Variants in CTNNA3 observed in about 807,000 individuals in gnomAD.
CTNNA3 encodes catenin alpha 3, also known as catenin alpha-3.
Under a neutral mutation model 95.7 loss-of-function variants are expected in CTNNA3, and 76 were observed. That is an observed-to-expected ratio of 0.79 (90% confidence interval 0.66 to 0.96). The LOEUF is 0.96. Ranked by LOEUF, CTNNA3 falls within the 40% of genes least tolerant of loss-of-function variation. The pLI, the probability that CTNNA3 is intolerant of heterozygous loss-of-function variation, is 0.00. For missense variants in CTNNA3, 1,191 were observed against 1,089.8 expected, an observed-to-expected ratio of 1.09 and a Z score of -1.31; for synonymous variants, 431 against 374.4, an observed-to-expected ratio of 1.15 and a Z score of -1.74.
At chr10:67,154,870 G>A (rs1302646035) in intron 7 of CTNNA3, among the ~76,000 whole-genome samples, 1 of 152,112 alleles carries the variant, frequency 6.6e-6, no homozygotes, top group Non-Finnish European at 1.5e-5. Context: ...TTTTCCCCAG[G>A]AGGATGTCTG....
In CTNNA3 at chr10:67,525,257, G is replaced by A. The variant is rs185210572; in HGVS notation, c.460-3296C>T. ...AACCTTGGACATACAAGATAAGAATGGGTAGAGGAAAACAATATCCCTAAG... is the reference window on the plus strand; with the variant it reads ...AACCTTGGACATACAAGATAAGAATAGGTAGAGGAAAACAATATCCCTAAG... On this transcript the variant is annotated intron_variant, in intron 4 of 17. Transcript: ENST00000433211. Among the ~76,000 whole-genome samples the A allele has an allele frequency of 3.6e-3, 544 of 151,724 alleles. 3 individuals are homozygous for A. The highest frequency in any genetic ancestry group is 5.2e-3 in the Non-Finnish European group (355 of 67,946).
At chr10:66,116,633 C>G (rs1055755137) in intron 13 of CTNNA3, among the ~76,000 whole-genome samples, 3 of 152,068 alleles carry the variant, frequency 2.0e-5, no homozygotes, top group Non-Finnish European at 4.4e-5. Context: ...AAAACACATA[C>G]TGTATGTATT....
chr10:67,522,051 C>T (rs1359494395), intron 4 of CTNNA3, 90 bp from the exon 5 acceptor site: 10 of 1,291,646 alleles, frequency 7.7e-6, no homozygotes, highest in African/African-American at 7.4e-5. Context: ...GATAATGAGC[C>T]TCAGTTTCTC....
chr10:66,535,945 G>A (rs1250024946), intron 10 of CTNNA3, among the ~76,000 whole-genome samples: 1 of 152,088 alleles, frequency 6.6e-6, no homozygotes, highest in Non-Finnish European at 1.5e-5. Flanking sequence ...TATGGTTTGG[G>A]TGAGCAAAAT....
chr10:66,597,729 T>C lies in CTNNA3; in HGVS notation c.1374+23963A>G, dbSNP rs974000222. On this transcript the variant is annotated intron_variant, in intron 10 of 17. Transcript: ENST00000433211. ...GAGAGTGCGGATGATATACTCCAGG[T>C]ACTGAAAGACAAAAAAATCTGTCAA... 9.3e-5 allele frequency among the ~76,000 whole-genome samples: 14 copies of C among 151,234 alleles called. No homozygotes were observed. The East Asian group carries it at 2.3e-3, about 25-fold the overall frequency.
intron 7 of CTNNA3, among the ~76,000 whole-genome samples, chr10:66,832,150 T>A (rs1478757131): frequency 6.6e-6 from 1 of 152,168 alleles, no homozygotes; most frequent in Non-Finnish European, 1.5e-5. Flanking sequence ...GACATAATAT[T>A]TCTATAAGTT....
At chr10:67,233,801 T>C (rs1439064487) in intron 5 of CTNNA3, among the ~76,000 whole-genome samples, 2 of 151,698 alleles carry the variant, frequency 1.3e-5, no homozygotes, top group Non-Finnish European at 2.9e-5. Flanking sequence ...AAGAATCAAA[T>C]AGATGCAATA....
At chr10:66,588,910 G>C (rs980842033) in intron 10 of CTNNA3, among the ~76,000 whole-genome samples, 1 of 150,246 alleles carries the variant, frequency 6.7e-6, no homozygotes, top group African/African-American at 2.5e-5. Context: ...GGAGATAAAA[G>C]AAGGTCTCTG....
intron 5 of CTNNA3, among the ~76,000 whole-genome samples, chr10:67,460,892 A>G (rs1847350483): frequency 6.6e-6 from 1 of 152,240 alleles, no homozygotes; most frequent in South Asian, 2.1e-4. Context: ...ACTATACAGT[A>G]AATTACTAAG....
intron 3 of CTNNA3, among the ~76,000 whole-genome samples, chr10:67,584,633 T>C (rs181519846): frequency 0.011 from 1,665 of 152,340 alleles, 25 homozygotes; most frequent in African/African-American, 0.038. Context: ...AAGTTTCTGC[T>C]GCCTTTTGTT....
At chr10:67,483,053 A>T (rs1047900228) in intron 5 of CTNNA3, among the ~76,000 whole-genome samples, 1 of 152,146 alleles carries the variant, frequency 6.6e-6, no homozygotes, top group African/African-American at 2.4e-5. Context: ...AATGCAAATC[A>T]AAACCACAAT....
chr10:66,550,482 ACC>A (rs1410245609), intron 10 of CTNNA3, among the ~76,000 whole-genome samples: 1 of 152,134 alleles, frequency 6.6e-6, no homozygotes, highest in Non-Finnish European at 1.5e-5. Flanking sequence ...ATTGGACACA[ACC>A]GTGACCATTC....
intron 5 of CTNNA3, among the ~76,000 whole-genome samples, chr10:67,235,931 C>G (rs954277146): frequency 6.8e-6 from 1 of 146,538 alleles, no homozygotes; most frequent in Non-Finnish European, 1.5e-5. Context: ...CACTGGCCAT[C>G]AGAGAAATGC....
At chr10:66,718,660 A>G (rs1404435834) in intron 9 of CTNNA3, among the ~76,000 whole-genome samples, 2 of 149,862 alleles carry the variant, frequency 1.3e-5, no homozygotes, top group African/African-American at 2.4e-5. Flanking sequence ...CATTAATAAT[A>G]TAATAAAATA....
intron 1 of CTNNA3, among the ~76,000 whole-genome samples, chr10:67,741,328 T>C (rs12247091): frequency 1.0e-5 from 1 of 95,690 alleles, no homozygotes; most frequent in African/African-American, 3.8e-5. Flanking sequence ...AATAAAAAAA[T>C]AAAAAATAAA....
intron 17 of CTNNA3, among the ~76,000 whole-genome samples, chr10:65,930,951 T>C (rs1399244434): frequency 2.6e-5 from 4 of 152,210 alleles, no homozygotes; most frequent in African/African-American, 9.6e-5. Context: ...ATATATACTG[T>C]ACATGTTTAT....
chr10:67,229,625 G>A (rs1010809630), intron 5 of CTNNA3, among the ~76,000 whole-genome samples: 8 of 152,176 alleles, frequency 5.3e-5, no homozygotes, highest in African/African-American at 1.9e-4. Context: ...AAATTTTCCA[G>A]ATAAAAGATT....
At chr10:66,511,767 T>C (rs1321280774) in intron 11 of CTNNA3, among the ~76,000 whole-genome samples, 5 of 151,958 alleles carry the variant, frequency 3.3e-5, no homozygotes, top group Non-Finnish European at 5.9e-5. Context: ...TTTAGAGTTG[T>C]TTTGGGCCTA....
chr10:67,690,032 C>A (rs1209358303), intron 1 of CTNNA3, among the ~76,000 whole-genome samples: 2 of 152,170 alleles, frequency 1.3e-5, no homozygotes, highest in Non-Finnish European at 2.9e-5. Context: ...AATGAAGCCG[C>A]AGACCCCACG....
Sources: allele counts gnomAD v4.1 joint callset (sites outside exome capture counted in the v4.1 genomes callset), GRCh38; gene constraint gnomAD v4.1.1; transcripts MANE v1.5; gene names NCBI Gene and HGNC (gene_info 2026-07-23, HGNC 2026-07-21).